The following PCDHA6 variants were observed in gnomAD, a reference collection of about 807,000 sequenced individuals.
The protein encoded by PCDHA6 is protocadherin alpha-6.
A neutral mutation model predicts 60.3 loss-of-function variants in PCDHA6; 55 were observed. The observed-to-expected ratio is 0.91, with a 90% CI of 0.73 to 1.14. The LOEUF is 1.14. PCDHA6 is among the 50% of genes most tolerant of loss of function. PCDHA6 has a pLI of 0.00. For synonymous variants in PCDHA6, 652 were observed against 557.9 expected, an observed-to-expected ratio of 1.17 and a Z score of -2.38; for missense variants, 1,327 against 1,256.5, an observed-to-expected ratio of 1.06 and a Z score of -0.85.
chr5:140,887,023 A>T (rs561705710), intron 1 of PCDHA6, among the ~76,000 whole-genome samples: 3 of 152,050 alleles, frequency 2.0e-5, no homozygotes, highest in South Asian at 2.1e-4. Flanking sequence ...TGCCTGAAAA[A>T]TTTCTTTAAT....
Position 140,829,964 on chromosome 5 carries a change from G to C in PCDHA6, c.1873G>C (p.Gly625Arg). 1 of 1,614,006 alleles carries C rather than the reference G, an allele frequency of 6.2e-7. No homozygotes were observed. ...ASSARFPFRV[G>R]LYTGEISTTR... Reference sequence around the variant, plus strand: ...CAGCGCTCGCTTCCCGTTTCGCGTGGGGCTGTACACGGGCGAGATCAGCAC... The same window carrying C: ...CAGCGCTCGCTTCCCGTTTCGCGTGCGGCTGTACACGGGCGAGATCAGCAC... Residue 625 changes from glycine to arginine, a missense_variant, in exon 1 of 4, where the codon GGG (glycine) becomes CGG (arginine). Transcript: ENST00000529310.
intron 1 of PCDHA6, chr5:140,850,708 C>A: frequency 6.3e-7 from 1 of 1,598,016 alleles, no homozygotes; most frequent in Non-Finnish European, 8.6e-7. Flanking sequence ...GGCAAGCCGA[C>A]GCTGGTGTGT....
At chr5:140,866,804 C>A (rs1157058668) in intron 1 of PCDHA6, 3 of 152,118 alleles carry the variant, frequency 2.0e-5, no homozygotes, top group Non-Finnish European at 4.4e-5. Flanking sequence ...AAGTCAGGCA[C>A]AAAGTTCCTT....
At chr5:140,889,904 TTGTCATAC>T (rs1320793501) in intron 1 of PCDHA6, among the ~76,000 whole-genome samples, 4 of 152,172 alleles carry the variant, frequency 2.6e-5, no homozygotes, top group Non-Finnish European at 5.9e-5. Context: ...TACCTTGAGA[TTGTCATAC>T]TGTAAAGAAG....
rs978053855 is a variant in PCDHA6 at position 141,009,492 on chromosome 5, A to T, written c.2543-135A>T. 4 of 1,478,558 alleles carry T rather than the reference A, an allele frequency of 2.7e-6. No individual in the cohort carries two copies. In the African/African-American group the frequency reaches 5.6e-5, roughly 21 times the overall value. The allele number at this position is 1,478,558 out of a possible 1,614,324, so 91.6% of individuals were successfully genotyped here. ...ATAAGTAAACACTTGCCTTGCCCTCAGACTTGAACAAACAACTCGTGATTT... is the reference window on the plus strand; with the variant it reads ...ATAAGTAAACACTTGCCTTGCCCTCTGACTTGAACAAACAACTCGTGATTT... On this transcript the variant is annotated intron_variant, in intron 3 of 3. Coordinates refer to ENST00000529310, the MANE Select transcript of PCDHA6 (RefSeq NM_018909.4).
chr5:140,842,566 C>G (rs782225990), intron 1 of PCDHA6: 19 of 1,503,446 alleles, frequency 1.3e-5, no homozygotes, highest in Non-Finnish European at 1.4e-5. Context: ...CCCTGGACCG[C>G]GAGAGAGTGT....
In PCDHA6 at chr5:140,850,319, A is replaced by T. The variant is rs1407979146; in HGVS notation, c.2394+19834A>T. On this transcript the variant is annotated intron_variant, in intron 1 of 3. Transcript: ENST00000529310. ...ACTCGGGCTACAACGCGTGGCTTTC[A>T]TACGAGCTGCAGCCAGAAACGGCCA... 3.1e-6 allele frequency: 5 copies of T among 1,597,446 alleles called. No individual in the cohort carries two copies. In the African/African-American group the frequency reaches 6.7e-5, roughly 21 times the overall value.
chr5:140,921,631 T>C (rs1435281144), intron 1 of PCDHA6, among the ~76,000 whole-genome samples: 2 of 152,206 alleles, frequency 1.3e-5, no homozygotes, highest in Non-Finnish European at 2.9e-5. Flanking sequence ...ATCATCATTA[T>C]GGTAGCTATT....
intron 1 of PCDHA6, among the ~76,000 whole-genome samples, chr5:140,900,275 C>T (rs1260418745): frequency 9.2e-5 from 14 of 151,438 alleles, no homozygotes; most frequent in African/African-American, 2.9e-4. Context: ...GTATATGTAC[C>T]ACACTTTCTT....
At chr5:140,883,446 T>TCCC (rs2059615161) in intron 1 of PCDHA6, 1 of 1,614,012 alleles carries the variant, frequency 6.2e-7, no homozygotes, top group African/African-American at 1.3e-5. Context: ...ACGCCGCATG[T>TCCC]CCCCTTCAAG....
intron 2 of PCDHA6, among the ~76,000 whole-genome samples, chr5:140,980,402 T>G (rs1019891422): frequency 2.0e-5 from 3 of 152,020 alleles, no homozygotes; most frequent in African/African-American, 7.2e-5. Context: ...GAGGCCGAGG[T>G]GGGCAGATCA....
rs142105240 is a variant in PCDHA6, at chr5:140,882,817, A to G, written c.2394+52332A>G. The G allele has an allele frequency of 5.3e-5, 86 of 1,614,242 alleles. 1 individual carries two copies. The African/African-American group carries it at 9.9e-4, about 19-fold the overall frequency. The stretch of plus-strand genomic sequence containing the variant: ...ACGATTATTTCACTTTGGACGCACA[A>G]AACAGTCTTGAGCAAATGTCTTCAT... On this transcript the variant is annotated intron_variant, in intron 1 of 3. Transcript: ENST00000529310.
Position 140,829,647 on chromosome 5 carries a change from C to T in PCDHA6, c.1556C>T (p.Ala519Val), listed in dbSNP as rs2150172016. The T allele has an allele frequency of 1.2e-6, 2 of 1,612,324 alleles. No individual in the cohort carries two copies. Among genetic ancestry groups the T allele is most frequent in the East Asian group, 4.5e-5 (2 of 44,868 alleles). ...SVHAESGKVY[A>V]LQPLDHEELE... ...CACGCGGAGAGCGGCAAGGTGTACG[C>T]GCTGCAGCCGCTGGACCACGAGGAG... Residue 519 changes from alanine (A) to valine (V), a missense_variant, in exon 1 of 4, where the codon GCG becomes GTG. Ala to Val is a moderately conservative substitution (Grantham distance 64). Transcript: ENST00000529310.
At chr5:140,938,937 C>T (rs1302555937) in intron 1 of PCDHA6, among the ~76,000 whole-genome samples, 4 of 152,070 alleles carry the variant, frequency 2.6e-5, no homozygotes, top group African/African-American at 9.7e-5. Context: ...TTTAACTTTC[C>T]ATTCTTATAA....
At chr5:140,872,550 C>T (rs1319043831) in intron 1 of PCDHA6, among the ~76,000 whole-genome samples, 1 of 152,046 alleles carries the variant, frequency 6.6e-6, no homozygotes, top group African/African-American at 2.4e-5. Context: ...TCCCCTGAAC[C>T]CAGGGGTTCA....
At chr5:140,968,467 A>T in intron 1 of PCDHA6, 1 of 1,614,124 alleles carries the variant, frequency 6.2e-7, no homozygotes, top group East Asian at 2.2e-5. Flanking sequence ...CTGCCAACGT[A>T]TATGTGGTGG....
At chr5:140,935,234 T>C (rs1160112983) in intron 1 of PCDHA6, among the ~76,000 whole-genome samples, 8 of 152,190 alleles carry the variant, frequency 5.3e-5, no homozygotes, top group Non-Finnish European at 1.2e-4. Context: ...GGATGTCTAT[T>C]TTTTAAAAGA....
At position 140,849,753 on chromosome 5, in the gene PCDHA6, G is replaced by A. The variant is rs1294538786; in HGVS notation, c.2394+19268G>A. 17 of 1,598,282 alleles carry A rather than the reference G, an allele frequency of 1.1e-5. 1 individual carries two copies. Among genetic ancestry groups the A allele is most frequent in the Non-Finnish European group, 1.4e-5 (16 of 1,167,970 alleles). ...AGCTCTGGACCGCGAGAGTGTGTCC[G>A]CCTACGAGCTGGTGGTTACCGCGCG... On this transcript the variant is annotated intron_variant, in intron 1 of 3. Coordinates refer to ENST00000529310, the MANE Select transcript of PCDHA6 (RefSeq NM_018909.4).
intron 2 of PCDHA6, among the ~76,000 whole-genome samples, chr5:140,981,637 C>A (rs1229068909): frequency 6.6e-6 from 1 of 152,150 alleles, no homozygotes; most frequent in Non-Finnish European, 1.5e-5. Context: ...TGGACATTTT[C>A]TCTTAGGATC....
Sources: allele counts gnomAD v4.1 joint callset (sites outside exome capture counted in the v4.1 genomes callset), GRCh38; gene constraint gnomAD v4.1.1; transcripts MANE v1.5; gene names NCBI Gene and HGNC (gene_info 2026-07-23, HGNC 2026-07-21).